Variants in SEMA3A observed in about 807,000 individuals in gnomAD.
SEMA3A encodes semaphorin-3A.
Under a neutral mutation model 97.9 loss-of-function variants are expected in SEMA3A, and 29 were observed. The observed-to-expected ratio is 0.30, with a 90% CI of 0.22 to 0.40. The LOEUF (loss-of-function observed/expected upper bound fraction) is 0.40, where lower values mean the gene tolerates loss of function less well. Ranked by LOEUF, SEMA3A falls within the 10% of genes least tolerant of loss-of-function variation. The probability of loss-of-function intolerance (pLI) is 1.00; values close to 1 mark genes in which losing one functional copy is unlikely to be tolerated. For missense variants in SEMA3A, 763 were observed against 951.3 expected, an observed-to-expected ratio of 0.80 and a Z score of 2.60; for synonymous variants, 321 against 323.7, an observed-to-expected ratio of 0.99 and a Z score of 0.09.
At chr7:84,460,034 GCAAA>G (rs1345903509) in intron 1 of SEMA3A, among the ~76,000 whole-genome samples, 4 of 152,004 alleles carry the variant, frequency 2.6e-5, no homozygotes, top group Admixed American at 1.3e-4. Context: ...CTCAAAACAA[GCAAA>G]CAAACAAACA....
intron 2 of SEMA3A, among the ~76,000 whole-genome samples, chr7:84,335,512 C>T (rs1418587768): frequency 6.6e-6 from 1 of 152,126 alleles, no homozygotes; most frequent in African/African-American, 2.4e-5. Context: ...ATATCTATTA[C>T]ATACACACAC....
At chr7:84,271,831 A>G (rs971258903) in intron 3 of SEMA3A, among the ~76,000 whole-genome samples, 1 of 152,148 alleles carries the variant, frequency 6.6e-6, no homozygotes, top group African/African-American at 2.4e-5. Flanking sequence ...CAGAAATTCC[A>G]GAAAGCACAG....
At chr7:84,063,614 T>C (rs1237250969) in intron 4 of SEMA3A, among the ~76,000 whole-genome samples, 1 of 150,882 alleles carries the variant, frequency 6.6e-6, no homozygotes, top group East Asian at 2.0e-4. Context: ...GAGAACTACA[T>C]GAAGAATGCA....
At chr7:84,462,087 C>G (rs779942701) in intron 1 of SEMA3A, among the ~76,000 whole-genome samples, 4 of 152,072 alleles carry the variant, frequency 2.6e-5, no homozygotes, top group African/African-American at 9.7e-5. Context: ...ATTTCTCTCT[C>G]TTCGTGAATA....
intron 4 of SEMA3A, among the ~76,000 whole-genome samples, chr7:84,061,230 G>C (rs552099314): frequency 6.6e-6 from 1 of 152,224 alleles, no homozygotes; most frequent in Admixed American, 6.5e-5. Context: ...TTATTACCAC[G>C]GGAAAGCCTG....
At chr7:84,189,488 T>C (rs1797978188) in intron 1 of SEMA3A, among the ~76,000 whole-genome samples, 1 of 151,772 alleles carries the variant, frequency 6.6e-6, no homozygotes, top group South Asian at 2.1e-4. Context: ...GTGTGGTATT[T>C]TGACTTTTGG....
At chr7:84,460,181 G>A (rs1242318537) in intron 1 of SEMA3A, among the ~76,000 whole-genome samples, 1 of 152,110 alleles carries the variant, frequency 6.6e-6, no homozygotes, top group East Asian at 1.9e-4. Context: ...TTAAACCAAT[G>A]TAAAGAAATT....
At chr7:84,201,256 G>A (rs1218369460) in intron 3 of SEMA3A, among the ~76,000 whole-genome samples, 1 of 151,974 alleles carries the variant, frequency 6.6e-6, no homozygotes, top group East Asian at 1.9e-4. Flanking sequence ...TGTTTTTAAT[G>A]AGCTTGAAGC....
In SEMA3A at chr7:84,462,886, G is replaced by T. The variant is rs1805885394; in HGVS notation, c.-246+29574C>A. Reference sequence around the variant, plus strand: ...ACAAGGTCTCAAAATACCTATGATGGAAATCCTCATCTCTTTCCAGGGAGA... The same window carrying T: ...ACAAGGTCTCAAAATACCTATGATGTAAATCCTCATCTCTTTCCAGGGAGA... On this transcript the variant is annotated intron_variant, in intron 1 of 3. Transcript: ENST00000424555. Among the ~76,000 whole-genome samples the T allele has an allele frequency of 3.9e-5, 6 of 152,162 alleles. No individual in the cohort carries two copies. The South Asian group carries it at 1.2e-3, about 32-fold the overall frequency.
At chr7:84,468,830 A>G (rs1445875644) in intron 1 of SEMA3A, among the ~76,000 whole-genome samples, 3 of 151,794 alleles carry the variant, frequency 2.0e-5, no homozygotes, top group African/African-American at 4.8e-5. Flanking sequence ...TTTTTTTTAG[A>G]AAAATGATTC....
chr7:84,052,186 T>G (rs910778459), intron 5 of SEMA3A, among the ~76,000 whole-genome samples: 2 of 151,826 alleles, frequency 1.3e-5, no homozygotes, highest in African/African-American at 2.4e-5. Flanking sequence ...TTTGGTTGTG[T>G]CTCTGCCTGG....
chr7:84,321,159 T>C (rs530722345), intron 2 of SEMA3A, among the ~76,000 whole-genome samples: 2 of 152,286 alleles, frequency 1.3e-5, no homozygotes, highest in East Asian at 3.9e-4. Flanking sequence ...AACACATAGA[T>C]TGTAAACCTA....
intron 1 of SEMA3A, among the ~76,000 whole-genome samples, chr7:84,175,224 T>A (rs1797526108): frequency 6.6e-6 from 1 of 152,208 alleles, no homozygotes; most frequent in Admixed American, 6.5e-5. Flanking sequence ...TGTCTGGGTT[T>A]GCCATGATGA....
intron 1 of SEMA3A, among the ~76,000 whole-genome samples, chr7:84,449,622 A>C (rs1805509044): frequency 6.6e-6 from 1 of 152,154 alleles, no homozygotes; most frequent in Non-Finnish European, 1.5e-5. Context: ...TATACCAGTA[A>C]ATTGCCTCAC....
chr7:84,334,775 G>C (rs1801996276), intron 2 of SEMA3A, among the ~76,000 whole-genome samples: 1 of 147,888 alleles, frequency 6.8e-6, no homozygotes, highest in Middle Eastern at 3.3e-3. Context: ...CTTCTCTCTT[G>C]TTTTCCTCTC....
At chr7:84,316,034 G>C (rs908169884) in intron 2 of SEMA3A, among the ~76,000 whole-genome samples, 1 of 144,792 alleles carries the variant, frequency 6.9e-6, no homozygotes, top group African/African-American at 2.6e-5. Context: ...GTGCACATCT[G>C]TAGTCCCAGC....
intron 4 of SEMA3A, among the ~76,000 whole-genome samples, chr7:84,098,304 G>T (rs1377560382): frequency 6.6e-6 from 1 of 151,862 alleles, no homozygotes; most frequent in Admixed American, 6.6e-5. Context: ...CAAAATATTT[G>T]TATTAGTGCT....
intron 4 of SEMA3A, among the ~76,000 whole-genome samples, chr7:84,095,614 T>C (rs1049080208): frequency 1.2e-4 from 18 of 151,282 alleles, no homozygotes; most frequent in Non-Finnish European, 1.2e-4. Flanking sequence ...ACCTTTATTC[T>C]AACAGATGTT....
chr7:84,386,685 G>T (rs189448796), intron 1 of SEMA3A, among the ~76,000 whole-genome samples: 113 of 152,148 alleles, frequency 7.4e-4, no homozygotes, highest in Non-Finnish European at 2.9e-4. Flanking sequence ...TAAAAAACAG[G>T]CAGTATATTC....
Sources: gnomAD v4.1 joint callset for allele counts (sites outside exome capture counted in the v4.1 genomes callset) on GRCh38, gnomAD v4.1.1 for gene constraint, MANE v1.5 for transcripts, NCBI Gene and HGNC (gene_info 2026-07-23, HGNC 2026-07-21) for gene names.